The following EYS variants were observed in gnomAD, a reference collection of about 807,000 sequenced individuals.
EYS encodes protein eyes shut homolog.
A neutral mutation model predicts 282.1 loss-of-function variants in EYS; 250 were observed. That is an observed-to-expected ratio of 0.89 (90% confidence interval 0.80 to 0.98). The LOEUF (loss-of-function observed/expected upper bound fraction) is 0.98. Ranked by LOEUF, EYS falls within the 50% of genes least tolerant of loss-of-function variation. The pLI, the probability that EYS is intolerant of heterozygous loss-of-function variation, is 0.00. For synonymous variants in EYS, 1,355 were observed against 1,282.9 expected, an observed-to-expected ratio of 1.06 and a Z score of -1.20; for missense variants, 4,016 against 3,709.0, an observed-to-expected ratio of 1.08 and a Z score of -2.15.
At chr6:65,473,149 A>C (rs1053326232) in intron 5 of EYS, among the ~76,000 whole-genome samples, 11 of 151,988 alleles carry the variant, frequency 7.2e-5, no homozygotes, top group Admixed American at 2.0e-4. Context: ...TGTTATTACT[A>C]TATGTAGACA....
intron 16 of EYS, among the ~76,000 whole-genome samples, chr6:64,911,857 C>A (rs578133394): frequency 6.6e-6 from 1 of 152,124 alleles, no homozygotes; most frequent in East Asian, 1.9e-4. Context: ...TGAAGAGACC[C>A]CAATCAAGAA....
intron 2 of EYS, among the ~76,000 whole-genome samples, chr6:65,621,508 A>T (rs924684672): frequency 6.7e-6 from 1 of 149,750 alleles, no homozygotes; most frequent in African/African-American, 2.5e-5. Flanking sequence ...TCTTTATCCA[A>T]TTTGCCAGTC....
At chr6:63,732,582 C>A (rs1168191045) in intron 41 of EYS, among the ~76,000 whole-genome samples, 1 of 152,020 alleles carries the variant, frequency 6.6e-6, no homozygotes, top group East Asian at 1.9e-4. Flanking sequence ...TGAGATACGC[C>A]CAATTATTTC....
chr6:64,954,123 A>G (rs1461829253), intron 14 of EYS, among the ~76,000 whole-genome samples: 4 of 152,038 alleles, frequency 2.6e-5, no homozygotes, highest in African/African-American at 9.6e-5. Context: ...TACTATCAAA[A>G]TAACTTCAGC....
intron 22 of EYS, among the ~76,000 whole-genome samples, chr6:64,718,669 A>G (rs1423369845): frequency 6.6e-6 from 1 of 152,200 alleles, no homozygotes; most frequent in Non-Finnish European, 1.5e-5. Context: ...ACTGTATCTA[A>G]CAACTTGTTC....
chr6:64,635,413 G>T (rs1182715559), intron 22 of EYS, among the ~76,000 whole-genome samples: 1 of 152,160 alleles, frequency 6.6e-6, no homozygotes, highest in Non-Finnish European at 1.5e-5. Context: ...TTTTCAAAGG[G>T]AATGCTTCCA....
At chr6:64,887,913 G>A (rs546660488) in intron 18 of EYS, among the ~76,000 whole-genome samples, 3 of 152,142 alleles carry the variant, frequency 2.0e-5, no homozygotes, top group South Asian at 2.1e-4. Flanking sequence ...TAAAGAAGGA[G>A]CAGGATCAGT....
intron 12 of EYS, among the ~76,000 whole-genome samples, chr6:65,112,342 A>T (rs936775977): frequency 6.6e-6 from 1 of 152,118 alleles, no homozygotes; most frequent in African/African-American, 2.4e-5. Context: ...ACTTTCTCAA[A>T]TCTCATGGCT....
intron 26 of EYS, among the ~76,000 whole-genome samples, chr6:64,530,797 T>G (rs1764304529): frequency 6.6e-6 from 1 of 151,940 alleles, no homozygotes. Flanking sequence ...ATTTGGTAAC[T>G]TTTTTTTAAA....
intron 12 of EYS, among the ~76,000 whole-genome samples, chr6:65,135,563 A>T (rs1007314499): frequency 1.3e-5 from 2 of 152,064 alleles, no homozygotes; most frequent in African/African-American, 4.8e-5. Flanking sequence ...ATAGATTAAA[A>T]AATTATTTAT....
chr6:64,854,735 A>C (rs1241434996), intron 19 of EYS, among the ~76,000 whole-genome samples: 7 of 152,120 alleles, frequency 4.6e-5, no homozygotes, highest in African/African-American at 1.4e-4. Flanking sequence ...TAACAGTTAA[A>C]ATATAATAAT....
chr6:65,073,978 G>A (rs776331886), intron 12 of EYS, among the ~76,000 whole-genome samples: 3 of 151,994 alleles, frequency 2.0e-5, no homozygotes, highest in Non-Finnish European at 4.4e-5. Context: ...GAGGTGGTAC[G>A]TTGCCACTGG....
intron 29 of EYS, among the ~76,000 whole-genome samples, chr6:64,342,630 A>G (rs971134895): frequency 2.0e-5 from 3 of 152,124 alleles, no homozygotes; most frequent in Non-Finnish European, 2.9e-5. Context: ...TGTAAAGACC[A>G]TAAAGGCTAG....
chr6:64,680,912 G>T (rs1205096192), intron 22 of EYS, among the ~76,000 whole-genome samples: 1 of 152,172 alleles, frequency 6.6e-6, no homozygotes, highest in East Asian at 1.9e-4. Flanking sequence ...ATGTGAGGTA[G>T]TGCAAAACCA....
chr6:64,198,379 T>C (rs1247689762), intron 31 of EYS, among the ~76,000 whole-genome samples: 3 of 152,096 alleles, frequency 2.0e-5, no homozygotes, highest in Non-Finnish European at 4.4e-5. Flanking sequence ...TACATAGGTA[T>C]ACATGTGCCA....
At chr6:64,491,979 C>G (rs1179694788) in intron 26 of EYS, among the ~76,000 whole-genome samples, 2 of 150,940 alleles carry the variant, frequency 1.3e-5, no homozygotes, top group Admixed American at 1.3e-4. Flanking sequence ...AACTTCAAGC[C>G]TGGAATGTAC....
intron 13 of EYS, among the ~76,000 whole-genome samples, chr6:65,045,795 G>C (rs542576544): frequency 1.4e-4 from 21 of 152,016 alleles, no homozygotes; most frequent in African/African-American, 5.1e-4. Flanking sequence ...CTCAAGAACA[G>C]CTGTAGAATG....
At chr6:64,737,300 CT>C (rs543556661) in intron 22 of EYS, among the ~76,000 whole-genome samples, 196 of 152,170 alleles carry the variant, frequency 1.3e-3, no homozygotes, top group African/African-American at 4.6e-3. Context: ...ATTCAGTTTT[CT>C]TTTTTTAACT....
At chr6:64,631,183 G>T (rs1443119369) in intron 22 of EYS, 1 of 152,148 alleles carries the variant, frequency 6.6e-6, no homozygotes, top group Non-Finnish European at 1.5e-5. Flanking sequence ...TGTTAAAAAT[G>T]AGAACTCAGA....
Sources: gnomAD v4.1 joint callset for allele counts (sites outside exome capture counted in the v4.1 genomes callset) on GRCh38, gnomAD v4.1.1 for gene constraint, MANE v1.5 for transcripts, NCBI Gene and HGNC (gene_info 2026-07-23, HGNC 2026-07-21) for gene names.